Variants in CPEB1 observed in about 807,000 individuals in gnomAD.
CPEB1 encodes the protein cytoplasmic polyadenylation element-binding protein 1.
CPEB1 carries 7 observed loss-of-function variants against 65.8 expected under a neutral mutation model. That is an observed-to-expected ratio of 0.11 (90% confidence interval 0.06 to 0.20). The LOEUF (loss-of-function observed/expected upper bound fraction) is 0.20, where lower values mean the gene tolerates loss of function less well. Ranked by LOEUF, CPEB1 falls within the 10% of genes least tolerant of loss-of-function variation. The probability of loss-of-function intolerance (pLI) is 1.00; values close to 1 mark genes in which losing one functional copy is unlikely to be tolerated. For synonymous variants in CPEB1, 262 were observed against 260.0 expected, an observed-to-expected ratio of 1.01 and a Z score of -0.08; for missense variants, 551 against 712.2, an observed-to-expected ratio of 0.77 and a Z score of 2.58.
chr15:82,627,274 T>C lies in CPEB1; in HGVS notation c.190A>G (p.Asn64Asp). 2 of 1,613,790 alleles carry C rather than the reference T, an allele frequency of 1.2e-6. No individual in the cohort carries two copies. Among genetic ancestry groups the C allele is most frequent in the South Asian group, 2.2e-5 (2 of 91,062 alleles). ...TCCAGAGAATTATCCAATATGGCAT[T>C]TATCCTTCGAAAGATATTGGCATTA... ...CSNANIFRRI[N>D]AILDNSLDFS... is the part of the protein sequence containing the mutation. Residue 64 changes from asparagine to aspartate, a missense_variant, in exon 3 of 13, where the codon AAT becomes GAT. By Grantham distance (23) the Asn-to-Asp change is conservative. Coordinates refer to ENST00000684509, the MANE Select transcript of CPEB1 (RefSeq NM_001365242.1).
chr15:82,577,869 G>C (rs937493651), intron 3 of CPEB1, among the ~76,000 whole-genome samples: 1 of 152,020 alleles, frequency 6.6e-6, no homozygotes, highest in East Asian at 1.9e-4. Flanking sequence ...GGCCAGGCAC[G>C]GTGGCTCACG....
intron 3 of CPEB1, among the ~76,000 whole-genome samples, chr15:82,595,971 C>T (rs1008529935): frequency 6.6e-6 from 1 of 152,056 alleles, no homozygotes; most frequent in Admixed American, 6.6e-5. Flanking sequence ...TAGAGGGGGC[C>T]GAGGGACATG....
At chr15:82,572,461 C>T (rs2040175793) in intron 3 of CPEB1, among the ~76,000 whole-genome samples, 1 of 152,116 alleles carries the variant, frequency 6.6e-6, no homozygotes, top group African/African-American at 2.4e-5. Context: ...AACCCACATG[C>T]CAGAGTGAGA....
At chr15:82,567,477 A>T (rs1217268181) in intron 4 of CPEB1, among the ~76,000 whole-genome samples, 1 of 147,594 alleles carries the variant, frequency 6.8e-6, no homozygotes, top group African/African-American at 2.5e-5. Context: ...TCTCTACTTT[A>T]AAAAAAAAAA....
chr15:82,552,467 C>A lies in CPEB1; in HGVS notation c.1281+13G>T. On this transcript the variant is annotated intron_variant, in intron 9 of 12. Transcript: ENST00000684509. ...AAGACCCTCGATCCAGAAAGGACAT[C>A]ACGCTAACTCACCTCCTTGCAGCGC... 1 of 1,544,604 alleles carries A rather than the reference C, an allele frequency of 6.5e-7. No individual in the cohort carries two copies.
chr15:82,596,363 G>GAA lies in CPEB1; in HGVS notation c.272-24833_272-24832dup, dbSNP rs574080384. 2.0e-3 allele frequency among the ~76,000 whole-genome samples: 308 copies of GAA among 151,724 alleles called. 5 individuals are homozygous for GAA. The highest frequency in any genetic ancestry group is 5.6e-3 in the South Asian group (27 of 4,790). On this transcript the variant is annotated intron_variant, in intron 3 of 12. Transcript: ENST00000684509. ...AAGTATTAATAAGCTTTCCATCTGA[G>GAA]AAAAAAAAGCCCAATTTGGAAAACA... is the stretch of plus-strand genomic sequence containing the variant.
chr15:82,571,949 A>G, intron 3 of CPEB1: 1 of 736,014 alleles, frequency 1.4e-6, no homozygotes, highest in Non-Finnish European at 1.7e-6. Context: ...GTCCCGGTGC[A>G]GTGCCGTTAA....
intron 1 of CPEB1, chr15:82,629,386 A>T (rs186842914): frequency 1.1e-5 from 11 of 985,224 alleles, no homozygotes; most frequent in Non-Finnish European, 1.3e-5. Context: ...TTATTAGTAC[A>T]TACAACTTTA....
At chr15:82,600,834 G>A (rs1410469231) in intron 3 of CPEB1, among the ~76,000 whole-genome samples, 1 of 151,636 alleles carries the variant, frequency 6.6e-6, no homozygotes, top group Non-Finnish European at 1.5e-5. Context: ...GACAGGGGGA[G>A]GTTGGGTGGG....
intron 3 of CPEB1, among the ~76,000 whole-genome samples, chr15:82,582,409 A>G (rs1358741744): frequency 6.6e-6 from 1 of 152,232 alleles, no homozygotes; most frequent in Non-Finnish European, 1.5e-5. Context: ...CACAAAAGAA[A>G]GCAGGAAAGA....
intron 3 of CPEB1, among the ~76,000 whole-genome samples, chr15:82,605,897 G>C (rs1567216393): frequency 6.6e-6 from 1 of 151,986 alleles, no homozygotes; most frequent in Admixed American, 6.6e-5. Flanking sequence ...AATTAGCCAG[G>C]TGTGATGCCG....
intron 1 of CPEB1, among the ~76,000 whole-genome samples, chr15:82,630,746 G>C (rs538830207): frequency 1.1e-4 from 17 of 152,336 alleles, no homozygotes; most frequent in African/African-American, 3.8e-4. Context: ...TGGGGGTAAA[G>C]AGGAAGTTCT....
At chr15:82,590,205 T>C (rs2042114234) in intron 3 of CPEB1, among the ~76,000 whole-genome samples, 2 of 97,844 alleles carry the variant, frequency 2.0e-5, no homozygotes, top group African/African-American at 4.8e-5. Context: ...CCTCATCCCT[T>C]TGACAAAAAA....
At chr15:82,585,277 C>T (rs2041699315) in intron 3 of CPEB1, among the ~76,000 whole-genome samples, 1 of 152,114 alleles carries the variant, frequency 6.6e-6, no homozygotes, top group East Asian at 1.9e-4. Context: ...TGCAACATAT[C>T]TACGTTTGGA....
chr15:82,598,606 G>GAA (rs2042856773), intron 3 of CPEB1, among the ~76,000 whole-genome samples: 1 of 152,060 alleles, frequency 6.6e-6, no homozygotes, highest in Non-Finnish European at 1.5e-5. Context: ...CCAACATGGT[G>GAA]AAACCCTGTC....
intron 1 of CPEB1, among the ~76,000 whole-genome samples, chr15:82,644,577 G>A (rs1223738412): frequency 6.6e-6 from 1 of 152,130 alleles, no homozygotes; most frequent in Admixed American, 6.6e-5. Context: ...AAAGTCAGGA[G>A]ATCCATCAAA....
chr15:82,590,209 C>CAAAAAAAAAAAAA (rs5814120), intron 3 of CPEB1, among the ~76,000 whole-genome samples: 1 of 104,152 alleles, frequency 9.6e-6, no homozygotes. Flanking sequence ...ATCCCTTTGA[C>CAAAAAAAAAAAAA]AAAAAAAAAA....
At chr15:82,629,731 C>T in intron 1 of CPEB1, 5 of 985,386 alleles carry the variant, frequency 5.1e-6, no homozygotes, top group Non-Finnish European at 6.0e-6. Flanking sequence ...GAAACTGGCA[C>T]TTAATATCTC....
intron 3 of CPEB1, among the ~76,000 whole-genome samples, chr15:82,613,239 C>T (rs1360418615): frequency 6.6e-6 from 1 of 152,056 alleles, no homozygotes; most frequent in Non-Finnish European, 1.5e-5. Context: ...TCCAGGAATG[C>T]GAAGTTGGCT....
Sources: gnomAD v4.1 joint callset for allele counts (sites outside exome capture counted in the v4.1 genomes callset) on GRCh38, gnomAD v4.1.1 for gene constraint, MANE v1.5 for transcripts, NCBI Gene and HGNC (gene_info 2026-07-23, HGNC 2026-07-21) for gene names.